The following NALF1 variants were observed in gnomAD, a reference collection of about 807,000 sequenced individuals.
NALF1 encodes the protein NALCN channel auxiliary factor 1, also known as family with sequence similarity 155 member A.
NALF1 carries 3 observed loss-of-function variants against 48.4 expected under a neutral mutation model. That is an observed-to-expected ratio of 0.06 (90% CI 0.03 to 0.16). The LOEUF is 0.16. NALF1 is among the 10% of genes least tolerant of loss of function. The pLI, the probability that NALF1 is intolerant of heterozygous loss-of-function variation, is 1.00. For missense variants in NALF1, 526 were observed against 571.5 expected, an observed-to-expected ratio of 0.92 and a Z score of 0.81; for synonymous variants, 262 against 245.7, an observed-to-expected ratio of 1.07 and a Z score of -0.62.
intron 1 of NALF1, among the ~76,000 whole-genome samples, chr13:107,733,509 T>C (rs1876374012): frequency 6.6e-6 from 1 of 152,212 alleles, no homozygotes; most frequent in Non-Finnish European, 1.5e-5. Context: ...AACAGTAGTT[T>C]TTAATCTAGA....
At chr13:107,471,378 A>T (rs1222068068) in intron 1 of NALF1, among the ~76,000 whole-genome samples, 1 of 152,218 alleles carries the variant, frequency 6.6e-6, no homozygotes, top group Non-Finnish European at 1.5e-5. Context: ...GGGCAGAAGC[A>T]GGTGCAAAAG....
chr13:107,549,389 T>C (rs1391887569), intron 1 of NALF1, among the ~76,000 whole-genome samples: 1 of 152,168 alleles, frequency 6.6e-6, no homozygotes, highest in South Asian at 2.1e-4. Flanking sequence ...ATTAAGAGTC[T>C]CTAAGAACAT....
At chr13:107,414,205 C>CAT (rs762095820) in intron 1 of NALF1, among the ~76,000 whole-genome samples, 16 of 136,658 alleles carry the variant, frequency 1.2e-4, no homozygotes, top group South Asian at 4.8e-4. Context: ...ATTTGAAAAA[C>CAT]ATATATATAT....
intron 1 of NALF1, among the ~76,000 whole-genome samples, chr13:107,702,405 A>G (rs1881844646): frequency 6.6e-6 from 1 of 152,172 alleles, no homozygotes; most frequent in Non-Finnish European, 1.5e-5. Context: ...AACCTGTTTT[A>G]GATGTTTCTC....
intron 1 of NALF1, among the ~76,000 whole-genome samples, chr13:107,627,855 C>A (rs1353534912): frequency 6.6e-6 from 1 of 152,004 alleles, no homozygotes; most frequent in African/African-American, 2.4e-5. Context: ...ACCTCTGAGT[C>A]CCTCTGAAAC....
At chr13:107,680,443 T>C (rs1330959756) in intron 1 of NALF1, among the ~76,000 whole-genome samples, 1 of 151,982 alleles carries the variant, frequency 6.6e-6, no homozygotes, top group Non-Finnish European at 1.5e-5. Context: ...CATGTGAGTG[T>C]GAGAACTCAA....
At chr13:107,286,810 GTTAAA>G (rs1172546118) in intron 1 of NALF1, among the ~76,000 whole-genome samples, 2 of 152,138 alleles carry the variant, frequency 1.3e-5, no homozygotes. Context: ...AATATCCCAT[GTTAAA>G]TTAGTCTGTT....
At chr13:107,697,570 A>G (rs2138509072) in intron 1 of NALF1, among the ~76,000 whole-genome samples, 1 of 152,208 alleles carries the variant, frequency 6.6e-6, no homozygotes, top group African/African-American at 2.4e-5. Flanking sequence ...TTTCTAATTA[A>G]AAGTTGTGTC....
intron 1 of NALF1, among the ~76,000 whole-genome samples, chr13:107,500,511 G>T (rs532850049): frequency 5.3e-5 from 8 of 151,026 alleles, no homozygotes; most frequent in Non-Finnish European, 1.2e-4. Context: ...TGGTGGGACT[G>T]TAAACTAGTT....
At chr13:107,586,634 G>GTTTTTTTTTTTTTTTTTTTTTTTTTT (rs1403213630) in intron 1 of NALF1, among the ~76,000 whole-genome samples, 2 of 5,662 alleles carry the variant, frequency 3.5e-4, no homozygotes, top group Non-Finnish European at 3.7e-4. Context: ...CCCCTATGGA[G>GTTTTTTTTTTTTTTTTTTTTTTTTTT]ATTTTTTTTT....
chr13:107,840,741 T>C (rs1218911876), intron 1 of NALF1, among the ~76,000 whole-genome samples: 1 of 152,092 alleles, frequency 6.6e-6, no homozygotes, highest in Non-Finnish European at 1.5e-5. Flanking sequence ...CAAAACCAAC[T>C]TGAAAAGGTT....
chr13:107,240,370 A>G (rs1449595648), intron 1 of NALF1, among the ~76,000 whole-genome samples: 1 of 152,214 alleles, frequency 6.6e-6, no homozygotes, highest in African/African-American at 2.4e-5. Flanking sequence ...GTAGATTTTT[A>G]TAGTAGTCCA....
chr13:107,296,069 A>C (rs1232487800), intron 1 of NALF1, among the ~76,000 whole-genome samples: 1 of 152,256 alleles, frequency 6.6e-6, no homozygotes, highest in Non-Finnish European at 1.5e-5. Flanking sequence ...GTCATTGCCA[A>C]CTTGGCACTA....
chr13:107,805,434 A>G (rs1471242225), intron 1 of NALF1, among the ~76,000 whole-genome samples: 1 of 152,170 alleles, frequency 6.6e-6, no homozygotes, highest in Non-Finnish European at 1.5e-5. Flanking sequence ...CATAGATGAT[A>G]TTTTAGGATG....
chr13:107,460,848 A>C (rs1410991894), intron 1 of NALF1, among the ~76,000 whole-genome samples: 1 of 152,176 alleles, frequency 6.6e-6, no homozygotes, highest in Non-Finnish European at 1.5e-5. Context: ...TTGCCTTTAA[A>C]TGTAAGAACA....
intron 1 of NALF1, among the ~76,000 whole-genome samples, chr13:107,828,699 G>A (rs9559169): frequency 0.14 from 21,180 of 150,872 alleles, 1,974 homozygotes; most frequent in East Asian, 0.51. Flanking sequence ...TTCCAATGCA[G>A]TATCTCTTTT....
chr13:107,232,986 A>G (rs914403113), intron 1 of NALF1, among the ~76,000 whole-genome samples: 4 of 152,180 alleles, frequency 2.6e-5, no homozygotes, highest in African/African-American at 9.6e-5. Flanking sequence ...GTCAGTTGCT[A>G]GTTGCAAGAT....
At chr13:107,307,920 A>C (rs1418176968) in intron 1 of NALF1, among the ~76,000 whole-genome samples, 1 of 152,152 alleles carries the variant, frequency 6.6e-6, no homozygotes, top group East Asian at 1.9e-4. Context: ...ACTTGCTGTG[A>C]TTCATGATCA....
chr13:107,767,227 G>C (rs1877440768), intron 1 of NALF1, among the ~76,000 whole-genome samples: 1 of 152,212 alleles, frequency 6.6e-6, no homozygotes, highest in Non-Finnish European at 1.5e-5. Flanking sequence ...CCTTTTAGGA[G>C]TTTTTCTAAA....
Sources: allele counts gnomAD v4.1 joint callset (sites outside exome capture counted in the v4.1 genomes callset), GRCh38; gene constraint gnomAD v4.1.1; transcripts MANE v1.5; gene names NCBI Gene and HGNC (gene_info 2026-07-23, HGNC 2026-07-21).